The following KIF1A variants were observed in gnomAD, a reference collection of about 807,000 sequenced individuals.
The protein encoded by KIF1A is kinesin-like protein KIF1A.
A neutral mutation model predicts 227.3 loss-of-function variants in KIF1A; 46 were observed. That is an observed-to-expected ratio of 0.20 (90% CI 0.16 to 0.26). The LOEUF (loss-of-function observed/expected upper bound fraction) is 0.26, where lower values mean the gene tolerates loss of function less well. Among genes scored for constraint, KIF1A ranks in the 10% least tolerant of loss-of-function variants. The pLI is 1.00. For synonymous variants in KIF1A, 1,022 were observed against 1,012.8 expected, an observed-to-expected ratio of 1.01 and a Z score of -0.17; for missense variants, 1,683 against 2,485.9, an observed-to-expected ratio of 0.68 and a Z score of 6.87.
intron 37 of KIF1A, among the ~76,000 whole-genome samples, chr2:240,738,588 C>T (rs1407521374): frequency 2.0e-5 from 3 of 152,188 alleles, no homozygotes; most frequent in Non-Finnish European, 4.4e-5. Flanking sequence ...CAGGGCTGCT[C>T]AGTCACGAAG....
Position 240,718,129 on chromosome 2 carries a change from T to A in KIF1A, c.5254A>T (p.Ile1752Phe), listed in dbSNP as rs750797358. 49 of 1,610,082 alleles carry A rather than the reference T, an allele frequency of 3.0e-5. No individual in the cohort carries two copies. The highest frequency in any genetic ancestry group is 4.2e-5 in the Non-Finnish European group (49 of 1,178,844). Residue 1752 changes from isoleucine (I) to phenylalanine (F), a missense_variant, in exon 48 of 49, where the codon ATC becomes TTC. By Grantham distance (21) the Ile-to-Phe change is conservative (BLOSUM62 0). Transcript: ENST00000498729. Reference sequence around the variant, plus strand: ...TTGTCGCTGGCGGCCTGCAGCAGGATGCCGCGGTGTTCCGTGCACACCGCG... The same window carrying A: ...TTGTCGCTGGCGGCCTGCAGCAGGAAGCCGCGGTGTTCCGTGCACACCGCG... ...TFAVCTEHRG[I>F]LLQAASDKDM...
chr2:240,763,229 G>A lies in KIF1A; in HGVS notation c.1886C>T (p.Ala629Val). 1 of 1,613,098 alleles carries A rather than the reference G, an allele frequency of 6.2e-7. No homozygotes were observed. The highest frequency in any genetic ancestry group is 8.5e-7 in the Non-Finnish European group (1 of 1,179,804). ...AETPAEPVDW[A>V]FAQRELLEKQ... The stretch of plus-strand genomic sequence containing the variant: ...CTCCAGCAGCTCACGCTGGGCGAAG[G>A]CCCAGTCCACAGGCTCAGCTGGCGT... The change falls in exon 21 of 49, where the codon GCC becomes GTC. Residue 629 changes from alanine to valine, a missense_variant. Physicochemically the swap from Ala to Val is moderately conservative, Grantham distance 64 (BLOSUM62 0). Coordinates refer to ENST00000498729, the MANE Select transcript of KIF1A (RefSeq NM_001244008.2).
intron 1 of KIF1A, 131 bp from the exon 2 acceptor site, chr2:240,797,943 G>A (rs2056583093): frequency 3.6e-6 from 2 of 550,532 alleles, no homozygotes; most frequent in Non-Finnish European, 6.5e-6. Flanking sequence ...GCATGGGGTG[G>A]AATCCACAAG....
Position 240,752,934 on chromosome 2 carries a change from G to A in KIF1A, c.2859-2387C>T, listed in dbSNP as rs2049398900. On this transcript the variant is annotated intron_variant, in intron 27 of 48. Coordinates refer to ENST00000498729, the MANE Select transcript of KIF1A (RefSeq NM_001244008.2). This position sits in a 1 kb window ranked among gnomAD's most constrained non-coding sequence, Gnocchi z 6.4. ...CTCACAGGAAGGAGAGGCTAGAGCTGTCCAGGGCCACCCAGACAGGGTCAG... is the reference window on the plus strand; with the variant it reads ...CTCACAGGAAGGAGAGGCTAGAGCTATCCAGGGCCACCCAGACAGGGTCAG... Among the ~76,000 whole-genome samples, 1 of 152,160 alleles carries A rather than the reference G, an allele frequency of 6.6e-6. No individual in the cohort carries two copies. Among genetic ancestry groups the A allele is most frequent in the Admixed American group, 6.5e-5 (1 of 15,280 alleles).
chr2:240,721,183 G>C (rs1486904426), intron 44 of KIF1A, 145 bp from the exon 45 acceptor site: 1 of 1,082,524 alleles, frequency 9.2e-7, no homozygotes, highest in African/African-American at 1.6e-5. Context: ...CTCAAAGTTG[G>C]CCAGCTCAAG....
intron 25 of KIF1A, among the ~76,000 whole-genome samples, chr2:240,760,233 C>G (rs1258900099): frequency 6.6e-6 from 1 of 152,204 alleles, no homozygotes; most frequent in Non-Finnish European, 1.5e-5. Context: ...AATGGAGGAG[C>G]AAGGGGGCAT....
intron 34 of KIF1A, among the ~76,000 whole-genome samples, chr2:240,741,727 A>G (rs1343850261): frequency 1.3e-5 from 2 of 152,172 alleles, no homozygotes; most frequent in African/African-American, 4.8e-5. Context: ...CACAACCCTC[A>G]CGGGGCCGCT....
chr2:240,756,632 A>G (rs550291002), intron 27 of KIF1A, among the ~76,000 whole-genome samples: 3 of 152,392 alleles, frequency 2.0e-5, no homozygotes, highest in South Asian at 4.1e-4. Flanking sequence ...GGGATGGAGT[A>G]GTCCTCACCT....
chr2:240,793,463 C>G lies in KIF1A; in HGVS notation c.107-4151G>C, dbSNP rs56848210. On this transcript the variant is annotated intron_variant, in intron 2 of 48. Transcript: ENST00000498729. This position sits in a 1 kb window ranked among gnomAD's most constrained non-coding sequence, Gnocchi z 4.8. ...CAGGGGCCGCACATGGCTGAGGGTC[C>G]GCGTCCCCAGCCAGCCTCCAGCATC... 6.6e-6 allele frequency among the ~76,000 whole-genome samples: 1 copy of G among 152,134 alleles called. No individual in the cohort carries two copies. Among genetic ancestry groups the G allele is most frequent in the Non-Finnish European group, 1.5e-5 (1 of 68,028 alleles).
chr2:240,783,861 G>C (rs192506320), intron 7 of KIF1A, 45 bp from the exon 8 acceptor site: 8 of 1,426,364 alleles, frequency 5.6e-6, no homozygotes, highest in Non-Finnish European at 7.8e-6. Context: ...CACAAGATGC[G>C]CGGGGGCATC....
Position 240,725,382 on chromosome 2 carries a change from G to A in KIF1A, c.4145C>T (p.Ala1382Val), listed in dbSNP as rs1384802230. The A allele has an allele frequency of 1.9e-6, 3 of 1,612,298 alleles. No individual in the cohort carries two copies. The highest frequency in any genetic ancestry group is 2.5e-6 in the Non-Finnish European group (3 of 1,179,726). ...YIEMENCTQP[A>V]VVTKDFCMVF... ...CATGCAGAAGTCCTTGGTGACAACA[G>A]CCGGCTGGGTGCAGTTCTCCATCTG... Residue 1382 changes from alanine to valine, a missense_variant, in exon 40 of 49, where the codon GCT (alanine) becomes GTT (valine). Transcript: ENST00000498729. The surrounding 1 kb of genome is among the most constrained non-coding windows in gnomAD (Gnocchi z 5.8).
chr2:240,726,821 CT>C lies in KIF1A; in HGVS notation c.4122+4del. On this transcript the variant is annotated splice_donor_region_variant and intron_variant, in intron 39 of 48. Coordinates refer to ENST00000498729, the MANE Select transcript of KIF1A (RefSeq NM_001244008.2). The surrounding 1 kb of genome is among the most constrained non-coding windows in gnomAD (Gnocchi z 5.2). ...TGGTGGAGTGCCCTGGCATAGGTGCCTTGCCTCGATATAAGCGGAGAGTGTC... is the reference window on the plus strand; with the variant it reads ...TGGTGGAGTGCCCTGGCATAGGTGCCTGCCTCGATATAAGCGGAGAGTGTC... 6.3e-7 allele frequency: 1 copy of C among 1,588,514 alleles called. No homozygotes were observed. Among genetic ancestry groups the C allele is most frequent in the Non-Finnish European group, 8.6e-7 (1 of 1,160,322 alleles).
At chr2:240,791,290 C>T (rs1224697098) in intron 2 of KIF1A, among the ~76,000 whole-genome samples, 3 of 152,166 alleles carry the variant, frequency 2.0e-5, no homozygotes, top group Admixed American at 6.5e-5. Flanking sequence ...ACAATTGCAG[C>T]GCCTTCCCTA....
Position 240,788,327 on chromosome 2 carries a change from G to A in KIF1A, c.184-97C>T. On this transcript the variant is annotated intron_variant, in intron 3 of 48. Coordinates refer to ENST00000498729, the MANE Select transcript of KIF1A (RefSeq NM_001244008.2). The surrounding 1 kb of genome is among the most constrained non-coding windows in gnomAD (Gnocchi z 6.6). Reference sequence around the variant, plus strand: ...AGCCAGGGGATGCCCAGGGCCTCAGGGTGCCAGGGCAGCACAGTGGGGAGG... The same window carrying A: ...AGCCAGGGGATGCCCAGGGCCTCAGAGTGCCAGGGCAGCACAGTGGGGAGG... The A allele has an allele frequency of 8.5e-7, 1 of 1,170,030 alleles. No individual in the cohort carries two copies. Among genetic ancestry groups the A allele is most frequent in the South Asian group, 1.3e-5 (1 of 76,964 alleles). 72.5% of individuals were successfully genotyped at this position (1,170,030 alleles called of 1,614,324 possible).
chr2:240,784,706 T>G (rs1242094855), intron 7 of KIF1A, among the ~76,000 whole-genome samples: 1 of 152,138 alleles, frequency 6.6e-6, no homozygotes, highest in African/African-American at 2.4e-5. Context: ...GGTGCCCTCC[T>G]GCTGCCCCTC....
rs369811703 is a variant in KIF1A at position 240,745,457 on chromosome 2, G to A, written c.3435C>T (p.Gly1145=). The stretch of plus-strand genomic sequence containing the variant: ...GGACGTGGTAGAAGCCAAGTGGGGG[G>A]CCTCTGCCTGTGTTCTTCAGGGGCT... ...STEPLKNTGR[G]PPLGFYHVQN... Residue 1145 remains glycine (G), a synonymous_variant, in exon 32 of 49, where the codon GGC becomes GGT. Coordinates refer to ENST00000498729, the MANE Select transcript of KIF1A (RefSeq NM_001244008.2). 9 of 1,613,638 alleles carry A rather than the reference G, an allele frequency of 5.6e-6. No individual in the cohort carries two copies. The highest frequency in any genetic ancestry group is 7.6e-6 in the Non-Finnish European group (9 of 1,179,762).
At chr2:240,769,321 G>GCACCA in intron 16 of KIF1A, 113 bp from the exon 17 acceptor site, 1 of 859,522 alleles carries the variant, frequency 1.2e-6, no homozygotes, top group Non-Finnish European at 1.8e-6. Context: ...CCTGGGTGGT[G>GCACCA]CCCATGCGTG....
intron 1 of KIF1A, among the ~76,000 whole-genome samples, chr2:240,799,175 G>A (rs1235256717): frequency 6.6e-6 from 1 of 152,188 alleles, no homozygotes; most frequent in East Asian, 1.9e-4. Context: ...AGGGGGCACA[G>A]CAAGCCTGGG....
In KIF1A at chr2:240,736,563, G is replaced by A. The variant is rs34760886; in HGVS notation, c.4007+500C>T. 1.2e-3 allele frequency among the ~76,000 whole-genome samples: 176 copies of A among 152,206 alleles called. 6 individuals carry two copies. The East Asian group carries it at 0.03, about 26-fold the overall frequency. On this transcript the variant is annotated intron_variant, in intron 38 of 48. Transcript: ENST00000498729. The surrounding 1 kb of genome is among the most constrained non-coding windows in gnomAD (Gnocchi z 4.7). ...GCCTAAATGCGGTCGGGCTGGGACCGCCCAGACTGTGGGGTCTTGGCCGTG... is the reference window on the plus strand; with the variant it reads ...GCCTAAATGCGGTCGGGCTGGGACCACCCAGACTGTGGGGTCTTGGCCGTG...
Sources: gnomAD v4.1 joint callset for allele counts (sites outside exome capture counted in the v4.1 genomes callset) on GRCh38, gnomAD v4.1.1 for gene constraint, Gnocchi (gnomAD v3.1) non-coding constraint, MANE v1.5 for transcripts, NCBI Gene and HGNC (gene_info 2026-07-23, HGNC 2026-07-21) for gene names.